Variants in VAV2 observed in about 807,000 individuals in gnomAD.
VAV2 encodes vav guanine nucleotide exchange factor 2.
Under a neutral mutation model 132.5 loss-of-function variants are expected in VAV2, and 67 were observed. The observed-to-expected ratio is 0.51, with a 90% confidence interval of 0.42 to 0.62. The LOEUF is 0.62. Among genes scored for constraint, VAV2 ranks in the 20% least tolerant of loss-of-function variants. The pLI is 0.00. For synonymous variants in VAV2, 492 were observed against 443.5 expected (o/e 1.11, Z -1.37); for missense variants, 938 against 1,153.6 (o/e 0.81, Z 2.71).
chr9:133,979,552 C>T (rs926872205), intron 1 of VAV2, among the ~76,000 whole-genome samples: 2 of 152,198 alleles, frequency 1.3e-5, no homozygotes, highest in Non-Finnish European at 2.9e-5. Flanking sequence ...GGAGGGAGGA[C>T]AAGCAAATGA....
chr9:133,964,050 C>CATATAT (rs757580734), intron 1 of VAV2, among the ~76,000 whole-genome samples: 53 of 84,876 alleles, frequency 6.2e-4, no homozygotes, highest in Non-Finnish European at 8.7e-4. Flanking sequence ...TATATATATA[C>CATATAT]ATATATATAC....
At chr9:133,767,636 G>T (rs914397775) in intron 29 of VAV2, among the ~76,000 whole-genome samples, 1 of 152,304 alleles carries the variant, frequency 6.6e-6, no homozygotes, top group Admixed American at 6.5e-5. Flanking sequence ...GTAAAAAATG[G>T]GTCAGACTTG....
intron 3 of VAV2, among the ~76,000 whole-genome samples, chr9:133,854,399 A>T (rs1269096360): frequency 6.6e-6 from 1 of 152,244 alleles, no homozygotes; most frequent in East Asian, 1.9e-4. Flanking sequence ...CTAAACTTGG[A>T]GGCCCCAGCC....
rs1203187926 is a variant in VAV2 at position 133,827,692 on chromosome 9, G to A, written c.449+6580C>T. Among the ~76,000 whole-genome samples the A allele has an allele frequency of 1.7e-3, 76 of 45,200 alleles. 1 individual carries two copies. The highest frequency in any genetic ancestry group is 2.6e-3 in the South Asian group (4 of 1,510). 29.7% of individuals were successfully genotyped at this position (45,200 alleles called of 152,430 possible). ...GGGCTGACCACTGAGCACGGGCATCGCCAGCTACCGCTGCGCCCACTGGGG... is the reference window on the plus strand; with the variant it reads ...GGGCTGACCACTGAGCACGGGCATCACCAGCTACCGCTGCGCCCACTGGGG... On this transcript the variant is annotated intron_variant, in intron 4 of 29. Transcript: ENST00000371850.
At chr9:133,795,515 A>C (rs578028481) in intron 12 of VAV2, among the ~76,000 whole-genome samples, 153 bp downstream of exon 12, 19 of 152,218 alleles carry the variant, frequency 1.2e-4, no homozygotes, top group African/African-American at 4.6e-4. Context: ...TGTGGGTCTC[A>C]CCCACTGCCC....
intron 20 of VAV2, 84 bp from the exon 21 acceptor site, chr9:133,780,023 T>C: frequency 6.4e-7 from 1 of 1,571,690 alleles, no homozygotes; most frequent in Non-Finnish European, 8.7e-7. Flanking sequence ...CCGCCCTCCC[T>C]GTCCCCACTA....
At chr9:133,851,962 T>C (rs942005054) in intron 3 of VAV2, among the ~76,000 whole-genome samples, 2 of 150,538 alleles carry the variant, frequency 1.3e-5, no homozygotes, top group Non-Finnish European at 2.9e-5. Flanking sequence ...CATGGATGTA[T>C]GGATGGAAGG....
chr9:133,934,111 G>GGACA (rs1445698935), intron 2 of VAV2, among the ~76,000 whole-genome samples: 1 of 151,662 alleles, frequency 6.6e-6, no homozygotes, highest in Non-Finnish European at 1.5e-5. Context: ...GATGGATGAT[G>GGACA]GATAGATGGA....
chr9:133,975,564 G>A (rs532041516), intron 1 of VAV2, among the ~76,000 whole-genome samples: 1 of 152,320 alleles, frequency 6.6e-6, no homozygotes, highest in East Asian at 1.9e-4. Flanking sequence ...AGGAAACTGA[G>A]GCTCAGAAGT....
chr9:133,772,159 C>CTGGGGG, intron 25 of VAV2, 113 bp from the exon 26 acceptor site: 2 of 724,066 alleles, frequency 2.8e-6, no homozygotes, highest in Non-Finnish European at 4.5e-6. Context: ...GTCCCTGGCC[C>CTGGGGG]CCAGGGCCAC....
intron 4 of VAV2, among the ~76,000 whole-genome samples, chr9:133,813,833 G>A (rs186526115): frequency 6.6e-6 from 1 of 152,374 alleles, no homozygotes; most frequent in Non-Finnish European, 1.5e-5. Context: ...ACCGACCCAT[G>A]GGCAAGCCCC....
chr9:133,826,338 T>C lies in VAV2; in HGVS notation c.449+7934A>G, dbSNP rs918042871. 4.6e-5 allele frequency among the ~76,000 whole-genome samples: 7 copies of C among 152,176 alleles called. No individual in the cohort carries two copies. The highest frequency in any genetic ancestry group is 1.3e-4 in the Admixed American group (2 of 15,284). ...ACATCCAAGCCCTCGCCCAGAGCCC[T>C]GGCCCCAGAATCTCCCTCCCCGCTC... is the stretch of plus-strand genomic sequence containing the variant. On this transcript the variant is annotated intron_variant, in intron 4 of 29. Coordinates refer to ENST00000371850, the MANE Select transcript of VAV2 (RefSeq NM_001134398.2). This position sits in a 1 kb window ranked among gnomAD's most constrained non-coding sequence, Gnocchi z 4.2.
At chr9:133,816,786 G>C (rs1404555073) in intron 4 of VAV2, among the ~76,000 whole-genome samples, 1 of 152,188 alleles carries the variant, frequency 6.6e-6, no homozygotes, top group African/African-American at 2.4e-5. Flanking sequence ...TTGGATCTCT[G>C]TCAGAAACCA....
At chr9:133,799,972 C>T (rs59158070) in intron 9 of VAV2, among the ~76,000 whole-genome samples, 7,303 of 152,234 alleles carry the variant, frequency 0.048, 283 homozygotes, top group African/African-American at 0.11. Context: ...GAGCCATGCG[C>T]AGAAGACACG....
In VAV2 at chr9:133,778,776, A is replaced by T; in HGVS notation, c.1876T>A (p.Ser626Thr). Residue 626 changes from serine to threonine, a missense_variant, in exon 22 of 30, where the codon TCT (serine) becomes ACT (threonine). Physicochemically the swap from Ser to Thr is moderately conservative, Grantham distance 58. Coordinates refer to ENST00000371850, the MANE Select transcript of VAV2 (RefSeq NM_001134398.2). ...CCAGGACCCACCTCCCACCACGGAGACTCAGGGTCGCCCCTCAGCAGCTCA... is the reference window on the plus strand; with the variant it reads ...CCAGGACCCACCTCCCACCACGGAGTCTCAGGGTCGCCCCTCAGCAGCTCA... ...VLELLRGDPE[S>T]PWWEGRLVQT... 1 of 1,612,696 alleles carries T rather than the reference A, an allele frequency of 6.2e-7. No individual in the cohort carries two copies. Among genetic ancestry groups the T allele is most frequent in the Non-Finnish European group, 8.5e-7 (1 of 1,179,930 alleles).
At chr9:133,964,022 C>CATATATATAT (rs10541639) in intron 1 of VAV2, among the ~76,000 whole-genome samples, 146 of 93,842 alleles carry the variant, frequency 1.6e-3, no homozygotes, top group African/African-American at 4.0e-3. Flanking sequence ...ATTATTCATT[C>CATATATATAT]ATATATATAT....
chr9:133,880,246 C>A (rs1400551326), intron 2 of VAV2, among the ~76,000 whole-genome samples: 2 of 152,202 alleles, frequency 1.3e-5, no homozygotes, highest in African/African-American at 4.8e-5. Context: ...GTGTGCCCCA[C>A]CGGAGGAAAG....
chr9:133,889,220 G>T (rs1250219065), intron 2 of VAV2, among the ~76,000 whole-genome samples: 2 of 152,200 alleles, frequency 1.3e-5, no homozygotes, highest in African/African-American at 4.8e-5. Flanking sequence ...TCTTGGCCTG[G>T]GTTCCTCGTC....
rs1441765780 is a variant in VAV2 at position 133,961,209 on chromosome 9, T to C, written c.205-21990A>G. ...AAACAATCACTGCAGTCCAACAGAA[T>C]AGTCAACCTTTTGATCTCAGAGGAG... On this transcript the variant is annotated intron_variant, in intron 1 of 29. Transcript: ENST00000371850. This position sits in a 1 kb window ranked among gnomAD's most constrained non-coding sequence, Gnocchi z 4.1. Among the ~76,000 whole-genome samples, 2 of 152,160 alleles carry C rather than the reference T, an allele frequency of 1.3e-5. No homozygotes were observed. The highest frequency in any genetic ancestry group is 6.5e-5 in the Admixed American group (1 of 15,278).
Sources: gnomAD v4.1 joint callset for allele counts (sites outside exome capture counted in the v4.1 genomes callset) on GRCh38, gnomAD v4.1.1 for gene constraint, Gnocchi (gnomAD v3.1) non-coding constraint, MANE v1.5 for transcripts, NCBI Gene and HGNC (gene_info 2026-07-23, HGNC 2026-07-21) for gene names.